Variants in TLN2 observed in about 807,000 individuals in gnomAD.
TLN2 encodes talin-2.
In TLN2, 118 loss-of-function variants were observed where a neutral mutation model predicts 294.7. That is an observed-to-expected ratio of 0.40 (90% CI 0.34 to 0.47). The LOEUF is 0.47. Among genes scored for constraint, TLN2 ranks in the 20% least tolerant of loss-of-function variants. The pLI is 0.84. For synonymous variants in TLN2, 1,431 were observed against 1,304.5 expected (o/e 1.10, Z -2.09); for missense variants, 3,083 against 3,282.2 (o/e 0.94, Z 1.48).
At chr15:62,421,297 A>G (rs1054356824) in intron 1 of TLN2, among the ~76,000 whole-genome samples, 2 of 152,104 alleles carry the variant, frequency 1.3e-5, no homozygotes, top group Non-Finnish European at 2.9e-5. Context: ...TGGCCTTCCC[A>G]AGTGCTGAGA....
At chr15:62,715,415 C>T (rs950743637) in intron 22 of TLN2, among the ~76,000 whole-genome samples, 1 of 152,044 alleles carries the variant, frequency 6.6e-6, no homozygotes, top group Non-Finnish European at 1.5e-5. Context: ...GCATTCAGGC[C>T]CTGGTGAGGG....
intron 18 of TLN2, among the ~76,000 whole-genome samples, chr15:62,702,443 A>C (rs2058773768): frequency 2.0e-5 from 3 of 152,228 alleles, no homozygotes; most frequent in African/African-American, 7.2e-5. Flanking sequence ...ACAGGAACTT[A>C]ACACACATGA....
Position 62,766,303 on chromosome 15 carries a change from C to T in TLN2, c.5095-18C>T, listed in dbSNP as rs192619130. The stretch of plus-strand genomic sequence containing the variant: ...GGGAGCTGTTATGGGATGAACTTGA[C>T]ACTTCTCTCCTTATCAGGCCCTGCA... On this transcript the variant is annotated intron_variant, in intron 40 of 58. Coordinates refer to ENST00000636159, the MANE Select transcript of TLN2 (RefSeq NM_015059.3). 5 of 1,603,282 alleles carry T rather than the reference C, an allele frequency of 3.1e-6. No individual in the cohort carries two copies. The highest frequency in any genetic ancestry group is 1.7e-5 in the Admixed American group (1 of 59,858).
chr15:62,397,180 C>A (rs2032620646), intron 1 of TLN2, among the ~76,000 whole-genome samples: 1 of 152,164 alleles, frequency 6.6e-6, no homozygotes, highest in Non-Finnish European at 1.5e-5. Flanking sequence ...TTTTTGAAAT[C>A]TTGATAGAAT....
At chr15:62,689,877 T>TTTTTTTTTA (rs71131119) in intron 12 of TLN2, among the ~76,000 whole-genome samples, 568 of 9,832 alleles carry the variant, frequency 0.058, 237 homozygotes, top group Non-Finnish European at 0.13. Flanking sequence ...TTTTTTTTTT[T>TTTTTTTTTA]ATTGGCTGAC....
chr15:62,518,316 C>T (rs1282073615), intron 1 of TLN2, among the ~76,000 whole-genome samples: 3 of 152,002 alleles, frequency 2.0e-5, no homozygotes, highest in East Asian at 1.9e-4. Context: ...GGATTATAGG[C>T]GTGAGCCACC....
At chr15:62,640,380 A>AG (rs1275902171) in intron 3 of TLN2, 1 of 456,640 alleles carries the variant, frequency 2.2e-6, no homozygotes, top group African/African-American at 2.0e-5. Context: ...CAGAGAGAAG[A>AG]GGGGGACGGT....
chr15:62,783,765 T>C lies in TLN2; in HGVS notation c.5617-6T>C. On this transcript the variant is annotated splice_polypyrimidine_tract_variant and splice_region_variant and intron_variant, in intron 44 of 58. Coordinates refer to ENST00000636159, the MANE Select transcript of TLN2 (RefSeq NM_015059.3). The stretch of plus-strand genomic sequence containing the variant: ...TGTGTGTGTCTTGCTTGTTTTCTTT[T>C]TCCAGATGACTAAGTCGGTTACTAA... 1 of 1,593,062 alleles carries C rather than the reference T, an allele frequency of 6.3e-7. No homozygotes were observed. Among genetic ancestry groups the C allele is most frequent in the East Asian group, 2.3e-5 (1 of 44,242 alleles).
At chr15:62,694,492 A>G (rs2058182154) in intron 14 of TLN2, 100 bp downstream of exon 14, 2 of 900,332 alleles carry the variant, frequency 2.2e-6, no homozygotes, top group East Asian at 2.5e-5. Context: ...TGTCACCTGG[A>G]GAAGATGACA....
intron 45 of TLN2, among the ~76,000 whole-genome samples, chr15:62,788,547 A>C (rs1482420435): frequency 6.6e-6 from 1 of 152,192 alleles, no homozygotes; most frequent in Non-Finnish European, 1.5e-5. Context: ...GTGAGATAAC[A>C]ATCTTTTTTT....
chr15:62,809,653 G>A (rs2066540921), intron 51 of TLN2, among the ~76,000 whole-genome samples: 1 of 152,316 alleles, frequency 6.6e-6, no homozygotes, highest in East Asian at 1.9e-4. Flanking sequence ...AAAATGTGGG[G>A]TGGGAAAAGG....
intron 46 of TLN2, among the ~76,000 whole-genome samples, chr15:62,793,154 ATCTT>A (rs1379552087): frequency 2.0e-5 from 3 of 152,292 alleles, no homozygotes; most frequent in South Asian, 2.1e-4. Context: ...TGTTGACACC[ATCTT>A]TCTTCTCAAG....
chr15:62,500,985 C>T (rs1012532849), intron 1 of TLN2, among the ~76,000 whole-genome samples: 1 of 152,220 alleles, frequency 6.6e-6, no homozygotes, highest in South Asian at 2.1e-4. Flanking sequence ...CTTGAAGTCC[C>T]GCCAGGGCAC....
chr15:62,491,956 C>A (rs189182917), intron 1 of TLN2, among the ~76,000 whole-genome samples: 5 of 152,106 alleles, frequency 3.3e-5, no homozygotes, highest in Non-Finnish European at 7.4e-5. Flanking sequence ...CTGAGAATTG[C>A]GGCAGGGAGC....
At chr15:62,612,949 A>G (rs2048033360) in intron 2 of TLN2, among the ~76,000 whole-genome samples, 1 of 152,224 alleles carries the variant, frequency 6.6e-6, no homozygotes, top group African/African-American at 2.4e-5. Context: ...GAGATAGTTC[A>G]CAGGATTATG....
intron 3 of TLN2, among the ~76,000 whole-genome samples, chr15:62,639,487 G>A (rs533863452): frequency 6.6e-6 from 1 of 152,160 alleles, no homozygotes; most frequent in Non-Finnish European, 1.5e-5. Context: ...ATTTCTAGTT[G>A]AAGTGTTCAA....
chr15:62,471,325 A>G (rs1253754851), intron 1 of TLN2, among the ~76,000 whole-genome samples: 1 of 152,240 alleles, frequency 6.6e-6, no homozygotes, highest in Non-Finnish European at 1.5e-5. Context: ...AGCCTGGGCA[A>G]CAGAACGTGA....
intron 2 of TLN2, among the ~76,000 whole-genome samples, chr15:62,616,562 G>A (rs2048332579): frequency 6.6e-6 from 1 of 152,124 alleles, no homozygotes; most frequent in African/African-American, 2.4e-5. Context: ...CCAATGTGCT[G>A]AGATCACAGG....
intron 1 of TLN2, among the ~76,000 whole-genome samples, chr15:62,526,475 G>T (rs1055632711): frequency 3.9e-5 from 6 of 152,098 alleles, no homozygotes; most frequent in South Asian, 2.1e-4. Context: ...CTTCGCTTCC[G>T]CATCTCCTCA....
Sources: gnomAD v4.1 joint callset for allele counts (sites outside exome capture counted in the v4.1 genomes callset) on GRCh38, gnomAD v4.1.1 for gene constraint, MANE v1.5 for transcripts, NCBI Gene and HGNC (gene_info 2026-07-23, HGNC 2026-07-21) for gene names.